The following GLRA2 variants were observed in gnomAD, a reference collection of about 807,000 sequenced individuals.
GLRA2 encodes the protein glycine receptor alpha 2, also known as glycine receptor subunit alpha-2.
Under a neutral mutation model 31.6 loss-of-function variants are expected in GLRA2, and 11 were observed. The ratio of observed to expected loss-of-function variants is 0.35; its 90% CI spans 0.22 to 0.58. The LOEUF is 0.58. Ranked by LOEUF, GLRA2 falls within the 20% of genes least tolerant of loss-of-function variation. The pLI is 0.84. For synonymous variants in GLRA2, 132 were observed against 134.0 expected (o/e 0.99, Z 0.10); for missense variants, 212 against 351.8 (o/e 0.60, Z 3.18).
At chrX:14,590,316 T>C (rs1403388621) in intron 4 of GLRA2, among the ~76,000 whole-genome samples, 1 of 110,568 alleles carries the variant, frequency 9.0e-6, no homozygotes, top group African/African-American at 3.3e-5. Context: ...TGAGAGTAGG[T>C]ATAGTGCAGA....
Position 14,683,000 on chromosome X carries a change from G to A in GLRA2, c.931-7710G>A, listed in dbSNP as rs6630832. On this transcript the variant is annotated intron_variant, in intron 7 of 8. Coordinates refer to ENST00000218075, the MANE Select transcript of GLRA2 (RefSeq NM_002063.4). ...AGTCTTTGCTATTGTGAATAGTGCC[G>A]CAATAAACATACGTGTGCATGTGTC... is the stretch of plus-strand genomic sequence containing the variant. Among the ~76,000 whole-genome samples, 435 of 111,487 alleles carry A rather than the reference G, an allele frequency of 3.9e-3. 1 individual carries two copies. The highest frequency in any genetic ancestry group is 0.013 in the African/African-American group (386 of 30,640).
At chrX:14,449,433 A>G in the GLRA2 span, among the ~76,000 whole-genome samples, 1 of 112,825 alleles carries the variant, frequency 8.9e-6, no homozygotes, top group Admixed American at 9.3e-5. Flanking sequence ...AGAAGGTGTC[A>G]TAGTGCCAGA....
At chrX:14,454,570 TAAA>T in the GLRA2 span, among the ~76,000 whole-genome samples, 11 of 87,645 alleles carry the variant, frequency 1.3e-4, no homozygotes, top group Admixed American at 2.5e-4. Flanking sequence ...GCCCTCAAGG[TAAA>T]AAAAAAAAAA....
intron 7 of GLRA2, among the ~76,000 whole-genome samples, chrX:14,677,288 A>G (rs1001050439): frequency 6.3e-5 from 7 of 111,326 alleles, no homozygotes; most frequent in Non-Finnish European, 1.3e-4. Context: ...AAAATTTGAC[A>G]GTCAACAAAA....
intron 7 of GLRA2, among the ~76,000 whole-genome samples, chrX:14,671,751 A>G (rs16996973): frequency 0.013 from 1,440 of 112,950 alleles, 18 homozygotes; most frequent in African/African-American, 0.043. Context: ...AACTCAGTGT[A>G]TCTGCTATGC....
At chrX:14,456,338 C>T in the GLRA2 span, among the ~76,000 whole-genome samples, 1 of 111,674 alleles carries the variant, frequency 9.0e-6, no homozygotes, top group South Asian at 3.8e-4. Flanking sequence ...TTATCTCCAA[C>T]ATTTATCAAT....
At chrX:14,488,624 T>G in the GLRA2 span, among the ~76,000 whole-genome samples, 1 of 112,389 alleles carries the variant, frequency 8.9e-6, no homozygotes, top group African/African-American at 3.2e-5. Context: ...CCTGAATCCC[T>G]GAAGAGAAAA....
intron 4 of GLRA2, among the ~76,000 whole-genome samples, chrX:14,586,164 T>TA (rs1260568988): frequency 6.9e-4 from 76 of 109,536 alleles, no homozygotes; most frequent in Non-Finnish European, 1.0e-3. Flanking sequence ...GGTAGGGGTC[T>TA]AAAAAAAAAG....
rs1233468636 is a variant in GLRA2, at chrX:14,690,876, G to A, written c.1080+17G>A. ...CAGAATAAGGTATGATTGCCCCTCAGTTCAGACAATGTAGAGCTTGAGTTG... is the reference window on the plus strand; with the variant it reads ...CAGAATAAGGTATGATTGCCCCTCAATTCAGACAATGTAGAGCTTGAGTTG... On this transcript the variant is annotated intron_variant, in intron 8 of 8. Coordinates refer to ENST00000218075, the MANE Select transcript of GLRA2 (RefSeq NM_002063.4). 1.7e-6 allele frequency: 2 copies of A among 1,205,809 alleles called. No individual in the cohort carries two copies.
chrX:14,460,706 C>T, the GLRA2 span, among the ~76,000 whole-genome samples: 1 of 111,767 alleles, frequency 8.9e-6, no homozygotes, highest in African/African-American at 3.3e-5. Flanking sequence ...GTGGTGATAT[C>T]CCCTTTATCA....
intron 7 of GLRA2, among the ~76,000 whole-genome samples, chrX:14,623,271 T>A (rs1283343451): frequency 3.6e-5 from 4 of 111,618 alleles, no homozygotes; most frequent in African/African-American, 1.3e-4. Flanking sequence ...GGGTTTTCTA[T>A]ATATACAATC....
the GLRA2 span, among the ~76,000 whole-genome samples, chrX:14,488,576 C>T: frequency 5.5e-4 from 62 of 112,523 alleles, no homozygotes; most frequent in Admixed American, 1.4e-3. Flanking sequence ...CTGGCAATGT[C>T]GCATTTTAAA....
intron 8 of GLRA2, 22 bp downstream of exon 8, chrX:14,690,881 G>A: frequency 8.3e-7 from 1 of 1,201,666 alleles, no homozygotes; most frequent in African/African-American, 1.7e-5. Context: ...CCTCAGTTCA[G>A]ACAATGTAGA....
chrX:14,607,381 C>A, intron 6 of GLRA2, 113 bp downstream of exon 6: 1 of 603,969 alleles, frequency 1.7e-6, no homozygotes, highest in East Asian at 3.5e-5. Flanking sequence ...GCAAATAGAC[C>A]TATGTCGCAC....
chrX:14,529,848 T>A lies in GLRA2; in HGVS notation c.-210T>A. ...TTTGTCTTTCTGGGTTAACTGATGG[T>A]CCCAAGCCTCGGTTTGACCTGACCA... On this transcript the variant is annotated 5_prime_UTR_variant, in exon 1 of 9. Transcript: ENST00000218075. 1 of 434,239 alleles carries A rather than the reference T, an allele frequency of 2.3e-6. No homozygotes were observed. Among genetic ancestry groups the A allele is most frequent in the Non-Finnish European group, 4.0e-6 (1 of 249,615 alleles). 35.8% of individuals were successfully genotyped at this position (434,239 alleles called of 1,213,427 possible). A position where few individuals can be genotyped will look rare whatever the true frequency, so the allele number is the denominator to read the frequency against.
intron 7 of GLRA2, among the ~76,000 whole-genome samples, chrX:14,612,456 C>A (rs1170737563): frequency 9.0e-6 from 1 of 111,301 alleles, no homozygotes; most frequent in Non-Finnish European, 1.9e-5. Context: ...TCATTTGACC[C>A]AGCGAACTCA....
the GLRA2 span, among the ~76,000 whole-genome samples, chrX:14,500,233 G>C: frequency 9.0e-6 from 1 of 111,644 alleles, no homozygotes; most frequent in Non-Finnish European, 1.9e-5. Context: ...TTTTTTCTCA[G>C]CTAAGTCACT....
intron 7 of GLRA2, among the ~76,000 whole-genome samples, chrX:14,681,889 C>A (rs2091206164): frequency 5.3e-5 from 1 of 18,820 alleles, no homozygotes; most frequent in Non-Finnish European, 1.1e-4. Flanking sequence ...GAGACACCAT[C>A]TCAAAAAAAA....
At chrX:14,458,469 C>G in the GLRA2 span, among the ~76,000 whole-genome samples, 9 of 112,200 alleles carry the variant, frequency 8.0e-5, no homozygotes, top group African/African-American at 2.9e-4. Context: ...GATGGTTGAA[C>G]TAGTTTACAG....
Sources: allele counts gnomAD v4.1 joint callset (sites outside exome capture counted in the v4.1 genomes callset), GRCh38; gene constraint gnomAD v4.1.1; transcripts MANE v1.5; gene names NCBI Gene and HGNC (gene_info 2026-07-23, HGNC 2026-07-21).